Variants in ATXN7L1 observed in about 807,000 individuals in gnomAD.
ATXN7L1 encodes ataxin 7 like 1.
Under a neutral mutation model 70.8 loss-of-function variants are expected in ATXN7L1, and 15 were observed. The ratio of observed to expected loss-of-function variants is 0.21; its 90% CI spans 0.14 to 0.33. The LOEUF (loss-of-function observed/expected upper bound fraction) is 0.33. Among genes scored for constraint, ATXN7L1 ranks in the 10% least tolerant of loss-of-function variants. ATXN7L1 has a pLI of 1.00. For synonymous variants in ATXN7L1, 440 were observed against 445.1 expected, an observed-to-expected ratio of 0.99 and a Z score of 0.14; for missense variants, 975 against 1,097.1, an observed-to-expected ratio of 0.89 and a Z score of 1.57.
intron 4 of ATXN7L1, among the ~76,000 whole-genome samples, chr7:105,654,746 AT>A (rs112303767): frequency 0.16 from 23,505 of 144,412 alleles, 2,189 homozygotes; most frequent in African/African-American, 0.28. Flanking sequence ...CCTTCAGGCC[AT>A]TTTTTTTTTT....
intron 3 of ATXN7L1, among the ~76,000 whole-genome samples, chr7:105,733,529 T>C (rs1487423817): frequency 1.8e-4 from 23 of 131,044 alleles, no homozygotes; most frequent in African/African-American, 5.8e-4. Flanking sequence ...CATCCATCCA[T>C]CCATCCATCC....
At chr7:105,839,809 G>A (rs891370521) in intron 2 of ATXN7L1, among the ~76,000 whole-genome samples, 3 of 152,122 alleles carry the variant, frequency 2.0e-5, no homozygotes, top group African/African-American at 7.2e-5. Context: ...TGAGACATAC[G>A]GTCTGTGTTA....
At chr7:105,811,153 T>C (rs1200538730) in intron 2 of ATXN7L1, among the ~76,000 whole-genome samples, 2 of 152,186 alleles carry the variant, frequency 1.3e-5, no homozygotes, top group African/African-American at 2.4e-5. Flanking sequence ...GATGAGGTCA[T>C]TAGGGTGGGC....
At chr7:105,810,144 C>T (rs921661987) in intron 2 of ATXN7L1, among the ~76,000 whole-genome samples, 3 of 152,182 alleles carry the variant, frequency 2.0e-5, no homozygotes, top group Admixed American at 6.5e-5. Context: ...AGCAAGTAGG[C>T]TCACAGAGAT....
chr7:105,850,322 C>T (rs1407985822), intron 2 of ATXN7L1, among the ~76,000 whole-genome samples: 1 of 152,192 alleles, frequency 6.6e-6, no homozygotes, highest in Non-Finnish European at 1.5e-5. Flanking sequence ...CCTTCACCAG[C>T]ACACTGTTCC....
At position 105,679,152 on chromosome 7, in the gene ATXN7L1, C is replaced by T. The variant is rs1171650474; in HGVS notation, c.356-13864G>A. 7 of 985,932 alleles carry T rather than the reference C, an allele frequency of 7.1e-6. No homozygotes were observed. The African/African-American group carries it at 1.2e-4, about 17-fold the overall frequency. The allele number at this position is 985,932 out of a possible 1,614,324, so 61.1% of individuals were successfully genotyped here. On this transcript the variant is annotated intron_variant, in intron 3 of 11. Coordinates refer to ENST00000419735, the MANE Select transcript of ATXN7L1 (RefSeq NM_020725.2). Reference sequence around the variant, plus strand: ...ATGTTTCCTGGCTCCTGGATGAGGGCCCTGGCCAGTCAGAACGCACCACTT... The same window carrying T: ...ATGTTTCCTGGCTCCTGGATGAGGGTCCTGGCCAGTCAGAACGCACCACTT...
intron 4 of ATXN7L1, among the ~76,000 whole-genome samples, chr7:105,655,935 A>G (rs1800564969): frequency 6.6e-6 from 1 of 152,204 alleles, no homozygotes; most frequent in Admixed American, 6.5e-5. Flanking sequence ...GCTTTGGCTC[A>G]TTTTCCTCCT....
At chr7:105,803,783 C>T (rs1807167285) in intron 2 of ATXN7L1, among the ~76,000 whole-genome samples, 1 of 152,010 alleles carries the variant, frequency 6.6e-6, no homozygotes, top group Admixed American at 6.5e-5. Flanking sequence ...ATGGTAACTT[C>T]CCATAGGAAC....
intron 9 of ATXN7L1, among the ~76,000 whole-genome samples, chr7:105,618,451 T>C (rs1251757787): frequency 6.6e-6 from 1 of 152,152 alleles, no homozygotes; most frequent in Non-Finnish European, 1.5e-5. Context: ...TAACATTTAG[T>C]ACTAAGTCTG....
intron 7 of ATXN7L1, among the ~76,000 whole-genome samples, chr7:105,631,357 A>G (rs1796571917): frequency 6.6e-6 from 1 of 152,184 alleles, no homozygotes; most frequent in African/African-American, 2.4e-5. Context: ...AGGACTAAAT[A>G]CAGCTCAAGA....
At chr7:105,852,639 G>C (rs1304731945) in intron 2 of ATXN7L1, among the ~76,000 whole-genome samples, 1 of 151,848 alleles carries the variant, frequency 6.6e-6, no homozygotes, top group African/African-American at 2.4e-5. Context: ...AGCTCTGATG[G>C]AGAGGTGCAC....
rs569579862 is a variant in ATXN7L1 at position 105,761,116 on chromosome 7, A to G, written c.355+27488T>C. ...AGCTGGAAGGCTTTTGCAGTTGTCCAGGTGGGAATTGATGGCAGCTTAGAC... is the reference window on the plus strand; with the variant it reads ...AGCTGGAAGGCTTTTGCAGTTGTCCGGGTGGGAATTGATGGCAGCTTAGAC... On this transcript the variant is annotated intron_variant, in intron 3 of 11. Transcript: ENST00000419735. 79 of 1,137,564 alleles carry G rather than the reference A, an allele frequency of 6.9e-5. No homozygotes were observed. The African/African-American group carries it at 1.1e-3, about 17-fold the overall frequency. The allele number at this position is 1,137,564 out of a possible 1,614,324, so 70.5% of individuals were successfully genotyped here. A position where few individuals can be genotyped will look rare whatever the true frequency, so the allele number is the denominator to read the frequency against.
At chr7:105,819,558 G>A (rs923722677) in intron 2 of ATXN7L1, 3 of 1,350,922 alleles carry the variant, frequency 2.2e-6, no homozygotes, top group Non-Finnish European at 3.2e-6. Context: ...GGCGGCCATC[G>A]TGGCTAAGTA....
intron 2 of ATXN7L1, among the ~76,000 whole-genome samples, chr7:105,818,533 G>A (rs1489130349): frequency 6.6e-6 from 1 of 152,194 alleles, no homozygotes; most frequent in Admixed American, 6.5e-5. Context: ...GACTCTTTCA[G>A]GGTTTAACTC....
intron 3 of ATXN7L1, among the ~76,000 whole-genome samples, chr7:105,683,044 T>C (rs574327881): frequency 3.2e-4 from 48 of 152,336 alleles, no homozygotes; most frequent in African/African-American, 1.1e-3. Context: ...TTTAAAACCC[T>C]TTCTGAAATC....
intron 2 of ATXN7L1, among the ~76,000 whole-genome samples, chr7:105,859,664 A>G (rs556328946): frequency 6.6e-6 from 1 of 152,194 alleles, no homozygotes; most frequent in Non-Finnish European, 1.5e-5. Context: ...GAGTGAACTT[A>G]CACAAACCTA....
intron 2 of ATXN7L1, among the ~76,000 whole-genome samples, 175 bp downstream of exon 2, chr7:105,875,637 C>CT (rs1324759578): frequency 9.4e-6 from 1 of 106,344 alleles, no homozygotes; most frequent in African/African-American, 2.8e-5. Context: ...ACCCCCCCCC[C>CT]AGTTGTATTT....
In ATXN7L1 at chr7:105,863,093, C is replaced by A. The variant is rs528505818; in HGVS notation, c.250+12719G>T. On this transcript the variant is annotated intron_variant, in intron 2 of 11. Coordinates refer to ENST00000419735, the MANE Select transcript of ATXN7L1 (RefSeq NM_020725.2). The stretch of plus-strand genomic sequence containing the variant: ...CACCCTTCATGAAATTACTAACAAT[C>A]CCAATGCCATGAGGGAAACTGAACA... Among the ~76,000 whole-genome samples, 6 of 152,294 alleles carry A rather than the reference C, an allele frequency of 3.9e-5. No homozygotes were observed. The South Asian group carries it at 8.3e-4, about 21-fold the overall frequency.
chr7:105,854,110 C>A (rs1230284938), intron 2 of ATXN7L1, among the ~76,000 whole-genome samples: 1 of 152,190 alleles, frequency 6.6e-6, no homozygotes, highest in African/African-American at 2.4e-5. Context: ...TATAAGGCCG[C>A]GGCAGCCAGG....
Sources: gnomAD v4.1 joint callset for allele counts (sites outside exome capture counted in the v4.1 genomes callset) on GRCh38, gnomAD v4.1.1 for gene constraint, MANE v1.5 for transcripts, NCBI Gene and HGNC (gene_info 2026-07-23, HGNC 2026-07-21) for gene names.